NOMO1: variants seen among roughly 807,000 people sequenced by gnomAD.
NOMO1 encodes nodal modulator 3.
A neutral mutation model predicts 133.8 loss-of-function variants in NOMO1; 40 were observed. The observed-to-expected ratio is 0.30, with a 90% CI of 0.23 to 0.39. The LOEUF is 0.39. Ranked by LOEUF, NOMO1 falls within the 10% of genes least tolerant of loss-of-function variation. The probability of loss-of-function intolerance (pLI) is 1.00; values close to 1 mark genes in which losing one functional copy is unlikely to be tolerated. For synonymous variants in NOMO1, 236 were observed against 570.5 expected, an observed-to-expected ratio of 0.41 and a Z score of 8.36; for missense variants, 462 against 1,419.9, an observed-to-expected ratio of 0.33 and a Z score of 10.84.
chr16:14,855,521 C>T (rs566455419), intron 9 of NOMO1, among the ~76,000 whole-genome samples: 4 of 151,876 alleles, frequency 2.6e-5, no homozygotes, highest in African/African-American at 4.8e-5. Flanking sequence ...CTGGCAGAAG[C>T]GGACTTTTAG....
rs945049781 is a variant in NOMO1 at position 14,857,097 on chromosome 16, G to A, written c.964-120G>A. The A allele has an allele frequency of 1.9e-5, 24 of 1,250,814 alleles. No individual in the cohort carries two copies. In the African/African-American group the frequency reaches 2.7e-4, roughly 14 times the overall value. 77.5% of individuals were successfully genotyped at this position (1,250,814 alleles called of 1,614,324 possible). A position where few individuals can be genotyped will look rare whatever the true frequency, so the allele number is the denominator to read the frequency against. ...GGCACACAGGACCGGGGCACTGAGT[G>A]TTGGGAGGTGGGCGGCAGGAGCAGA... On this transcript the variant is annotated intron_variant, in intron 9 of 30. Coordinates refer to ENST00000287667, the MANE Select transcript of NOMO1 (RefSeq NM_014287.4).
chr16:14,887,524 TC>T (rs1243927279), intron 28 of NOMO1, among the ~76,000 whole-genome samples: 3 of 151,580 alleles, frequency 2.0e-5, no homozygotes, highest in Non-Finnish European at 4.4e-5. Context: ...ATGGTCTTGA[TC>T]TCCTGACCTC....
rs766362184 is a variant in NOMO1 at position 14,889,214 on chromosome 16, C to T, written c.3443C>T (p.Thr1148Met). The change falls in exon 29 of 31, where the codon ACG becomes ATG. Residue 1148 changes from threonine (T) to methionine (M), a missense_variant and splice_region_variant. By Grantham distance (81) the Thr-to-Met change is moderately conservative. Coordinates refer to ENST00000287667, the MANE Select transcript of NOMO1 (RefSeq NM_014287.4). ...HKHITLIFNPTRKLPEQDIAQ... is the reference protein window; with the variant it reads ...HKHITLIFNPMRKLPEQDIAQ... ...CACATCACCTTGATTTTTAATCCCA[C>T]GGTAAGTAAAAGAGGGAGTTAAAAA... The T allele has an allele frequency of 3.2e-5, 52 of 1,611,256 alleles. No individual in the cohort carries two copies. The highest frequency in any genetic ancestry group is 4.5e-4 in the Middle Eastern group (2 of 4,450).
chr16:14,873,418 C>T (rs1316433959), intron 18 of NOMO1, among the ~76,000 whole-genome samples: 1 of 137,496 alleles, frequency 7.3e-6, no homozygotes. Context: ...AGATGGAGAG[C>T]GACGGACTGG....
Position 14,858,605 on chromosome 16 carries a change from G to A in NOMO1, c.1220+950G>A, listed in dbSNP as rs558134649. ...GAGGTGGCTGCGGGTGTAAAGCTGGGTGCTACTGAAGCAGAATATACTGGC... is the reference window on the plus strand; with the variant it reads ...GAGGTGGCTGCGGGTGTAAAGCTGGATGCTACTGAAGCAGAATATACTGGC... On this transcript the variant is annotated intron_variant, in intron 11 of 30. Coordinates refer to ENST00000287667, the MANE Select transcript of NOMO1 (RefSeq NM_014287.4). Among the ~76,000 whole-genome samples the A allele has an allele frequency of 7.0e-4, 106 of 152,134 alleles. 1 individual carries two copies. The highest frequency in any genetic ancestry group is 1.4e-3 in the Non-Finnish European group (93 of 68,012).
chr16:14,874,625 A>C lies in NOMO1; in HGVS notation c.2055-411A>C, dbSNP rs532897811. 9.9e-5 allele frequency among the ~76,000 whole-genome samples: 15 copies of C among 152,110 alleles called. No individual in the cohort carries two copies. The East Asian group carries it at 1.7e-3, about 18-fold the overall frequency. On this transcript the variant is annotated intron_variant, in intron 18 of 30. Transcript: ENST00000287667. ...TTTATTTTCAGCCCCTTCCCATTGA[A>C]ACGTGGATTCCACAGGGGTAGGAAG... is the stretch of plus-strand genomic sequence containing the variant.
chr16:14,861,985 C>T (rs1963928240), intron 11 of NOMO1, among the ~76,000 whole-genome samples: 1 of 151,044 alleles, frequency 6.6e-6, no homozygotes, highest in African/African-American at 2.4e-5. Flanking sequence ...GCAGTCCCTT[C>T]ACTCTGAAGA....
At position 14,851,338 on chromosome 16, in the gene NOMO1, C is replaced by T. The variant is rs116040928; in HGVS notation, c.583-1092C>T. 1.8e-3 allele frequency among the ~76,000 whole-genome samples: 267 copies of T among 151,972 alleles called. 1 individual carries two copies. The highest frequency in any genetic ancestry group is 5.9e-3 in the African/African-American group (242 of 41,318). On this transcript the variant is annotated intron_variant, in intron 6 of 30. Transcript: ENST00000287667. ...TGCTATTCTGTTGGGTAACCAGTAC[C>T]CAATTTGTGACAAGCCCTGTGCTGT...
At chr16:14,875,520 C>T in intron 20 of NOMO1, 98 bp downstream of exon 20, 1 of 704,442 alleles carries the variant, frequency 1.4e-6, no homozygotes, top group South Asian at 1.9e-5. Flanking sequence ...GTGAAGCCAT[C>T]TTTGTAAGCC....
intron 9 of NOMO1, among the ~76,000 whole-genome samples, chr16:14,856,380 G>A (rs530386741): frequency 2.6e-5 from 4 of 151,970 alleles, no homozygotes; most frequent in Admixed American, 6.6e-5. Flanking sequence ...ATGGGACCAC[G>A]TGTGAGCCAG....
intron 29 of NOMO1, among the ~76,000 whole-genome samples, chr16:14,889,424 C>G (rs935917301): frequency 2.0e-5 from 3 of 152,000 alleles, no homozygotes; most frequent in African/African-American, 7.3e-5. Flanking sequence ...CCCGGCTACT[C>G]GGGAGGCTGA....
intron 6 of NOMO1, among the ~76,000 whole-genome samples, chr16:14,849,605 A>T (rs1231092244): frequency 7.0e-6 from 1 of 141,870 alleles, no homozygotes; most frequent in Non-Finnish European, 1.5e-5. Context: ...TTTTTTTTTT[A>T]AAGACGGAGT....
chr16:14,879,959 A>G, intron 23 of NOMO1, 56 bp from the exon 24 acceptor site: 2 of 1,609,522 alleles, frequency 1.2e-6, no homozygotes, highest in South Asian at 2.2e-5. Context: ...TTCGCCCCTC[A>G]CTTTTAAGCC....
At chr16:14,887,382 C>T (rs553113739) in intron 28 of NOMO1, among the ~76,000 whole-genome samples, 1 of 151,910 alleles carries the variant, frequency 6.6e-6, no homozygotes, top group Non-Finnish European at 1.5e-5. Context: ...CAAGCTCCGC[C>T]TCCTGGGTTC....
In NOMO1 at chr16:14,876,429, C is replaced by T. The variant is rs149713801; in HGVS notation, c.2427C>T (p.Pro809=). The change falls in exon 21 of 31, where the codon CCC becomes CCT. Residue 809 remains proline, a synonymous_variant. Transcript: ENST00000287667. ...TGTTTTTAGAAGGCCAGATCCACCCCGAGTTGGAAGGAGTCGAGATTGTCA... is the reference window on the plus strand; with the variant it reads ...TGTTTTTAGAAGGCCAGATCCACCCTGAGTTGGAAGGAGTCGAGATTGTCA... ...AGLFLEGQIH[P]ELEGVEIVIS... 667 of 1,611,124 alleles carry T rather than the reference C, an allele frequency of 4.1e-4. 1 individual carries two copies. The highest frequency in any genetic ancestry group is 5.3e-4 in the Non-Finnish European group (622 of 1,179,732).
At chr16:14,864,396 G>C (rs1281284669) in intron 12 of NOMO1, among the ~76,000 whole-genome samples, 189 bp from the exon 13 acceptor site, 1 of 151,934 alleles carries the variant, frequency 6.6e-6, no homozygotes, top group Non-Finnish European at 1.5e-5. Flanking sequence ...TTTTCATCTG[G>C]GTAGAACTGT....
chr16:14,854,949 G>A lies in NOMO1; in HGVS notation c.963+923G>A, dbSNP rs1216801211. ...GGCAGGAGTGTGCTGAAGGGTTTGG[G>A]GCATCCCAAGGAGGCCAGGGTGGCT... On this transcript the variant is annotated intron_variant, in intron 9 of 30. Transcript: ENST00000287667. 7.6e-5 allele frequency among the ~76,000 whole-genome samples: 11 copies of A among 145,386 alleles called. No homozygotes were observed. The South Asian group carries it at 2.5e-3, about 34-fold the overall frequency.
intron 15 of NOMO1, among the ~76,000 whole-genome samples, chr16:14,867,719 G>A (rs1964024614): frequency 6.7e-6 from 1 of 148,332 alleles, no homozygotes; most frequent in Non-Finnish European, 1.5e-5. Context: ...TAGAAGAATT[G>A]GAACTGGTGT....
chr16:14,860,567 G>A (rs1158699009), intron 11 of NOMO1, among the ~76,000 whole-genome samples: 3 of 151,900 alleles, frequency 2.0e-5, no homozygotes, highest in Non-Finnish European at 4.4e-5. Flanking sequence ...CGGCTGGCAG[G>A]CGAGGGAGCG....
Sources: gnomAD v4.1 joint callset for allele counts (sites outside exome capture counted in the v4.1 genomes callset) on GRCh38, gnomAD v4.1.1 for gene constraint, MANE v1.5 for transcripts, NCBI Gene and HGNC (gene_info 2026-07-23, HGNC 2026-07-21) for gene names.